C4orf51: variants seen among roughly 807,000 people sequenced by gnomAD.
C4orf51 encodes the protein uncharacterized protein C4orf51.
In C4orf51, 25 loss-of-function variants were observed where a neutral mutation model predicts 25.2. That is an observed-to-expected ratio of 0.99 (90% CI 0.72 to 1.39). The LOEUF is 1.39. Ranked by LOEUF, C4orf51 falls within the 40% of genes most tolerant of loss-of-function variation. The probability of loss-of-function intolerance (pLI) is 0.00; values close to 1 mark genes in which losing one functional copy is unlikely to be tolerated. For missense variants in C4orf51, 252 were observed against 239.6 expected (o/e 1.05, Z -0.34); for synonymous variants, 100 against 84.5 (o/e 1.18, Z -1.01).
At chr4:145,712,385 T>TTA (rs1197903768) in intron 2 of C4orf51, among the ~76,000 whole-genome samples, 3 of 152,178 alleles carry the variant, frequency 2.0e-5, no homozygotes, top group Non-Finnish European at 4.4e-5. Context: ...TTGAAGGAAA[T>TTA]TAAAGGTGCT....
intron 2 of C4orf51, among the ~76,000 whole-genome samples, chr4:145,714,326 C>T (rs188553184): frequency 6.0e-4 from 92 of 152,264 alleles, no homozygotes; most frequent in African/African-American, 2.1e-3. Flanking sequence ...AAATATCCAT[C>T]ATCTCACATA....
intron 2 of C4orf51, among the ~76,000 whole-genome samples, chr4:145,717,484 T>C (rs1455138926): frequency 2.0e-5 from 3 of 152,252 alleles, no homozygotes; most frequent in African/African-American, 7.2e-5. Context: ...CTCCTTGTGC[T>C]TCTTTTCCAT....
downstream of C4orf51, chr4:145,757,776 T>C (rs1025204674): frequency 6.6e-6 from 1 of 151,880 alleles, no homozygotes; most frequent in African/African-American, 2.4e-5. Context: ...AAAAGCTTTA[T>C]ACAATACAAA....
At chr4:145,758,246 T>G (rs1262790893), downstream of C4orf51, 1 of 152,230 alleles carries the variant, frequency 6.6e-6, no homozygotes, top group Non-Finnish European at 1.5e-5. Context: ...TAAGCATTAC[T>G]AAGTCATTCA....
intron 2 of C4orf51, among the ~76,000 whole-genome samples, chr4:145,715,070 CTTGTACTTGCTGTCTCCAGGGACACAT>C (rs1384970209): frequency 1.3e-5 from 2 of 152,190 alleles, no homozygotes; most frequent in Non-Finnish European, 2.9e-5. Flanking sequence ...TCTGCAGAGG[CTTGTACTTGCTGTCTCCAGGGACACAT>C]ATGGAGAACA....
chr4:145,725,022 T>G (rs1228641490), intron 2 of C4orf51, among the ~76,000 whole-genome samples: 3 of 150,702 alleles, frequency 2.0e-5, no homozygotes, highest in Non-Finnish European at 4.4e-5. Flanking sequence ...ATAGACTTTG[T>G]GGACTCGGGG....
In C4orf51 at chr4:145,695,358, T is replaced by G. The variant is rs114744779; in HGVS notation, c.234-1201T>G. On this transcript the variant is annotated intron_variant, in intron 1 of 5. Coordinates refer to ENST00000438731, the MANE Select transcript of C4orf51 (RefSeq NM_001080531.3). ...ATCAGTGATAATGAGCTTTTTTTGA[T>G]ATGCTTTTTGGCCACATGTCTTCTT... 4.9e-3 allele frequency among the ~76,000 whole-genome samples: 743 copies of G among 152,340 alleles called. 8 individuals carry two copies. The highest frequency in any genetic ancestry group is 0.017 in the African/African-American group (712 of 41,572).
At chr4:145,731,204 A>AC (rs1345327464) in intron 5 of C4orf51, among the ~76,000 whole-genome samples, 1 of 152,156 alleles carries the variant, frequency 6.6e-6, no homozygotes, top group East Asian at 1.9e-4. Context: ...ACTATTGTTA[A>AC]ATAAATAAAT....
At position 145,707,703 on chromosome 4, in the gene C4orf51, T is replaced by C. The variant is rs540830164; in HGVS notation, c.307+11071T>C. ...GTCCCTTAAGTAATATAAAGGGATG[T>C]GAATTTTTTCTTTTGGAGGGAGGGG... On this transcript the variant is annotated intron_variant, in intron 2 of 5. Coordinates refer to ENST00000438731, the MANE Select transcript of C4orf51 (RefSeq NM_001080531.3). 2.0e-5 allele frequency among the ~76,000 whole-genome samples: 3 copies of C among 152,338 alleles called. 1 individual carries two copies. The South Asian group carries it at 6.2e-4, about 32-fold the overall frequency.
At chr4:145,713,330 T>A (rs1209770964) in intron 2 of C4orf51, among the ~76,000 whole-genome samples, 1 of 152,204 alleles carries the variant, frequency 6.6e-6, no homozygotes, top group Non-Finnish European at 1.5e-5. Flanking sequence ...ATGGAAAGGA[T>A]TTTCCAGTCT....
At chr4:145,681,750 A>C (rs1180356034) in intron 1 of C4orf51, among the ~76,000 whole-genome samples, 1 of 152,192 alleles carries the variant, frequency 6.6e-6, no homozygotes, top group African/African-American at 2.4e-5. Context: ...GAGATACCAG[A>C]AACTGAACTT....
intron 2 of C4orf51, among the ~76,000 whole-genome samples, chr4:145,702,976 C>T (rs1730556646): frequency 6.6e-6 from 1 of 151,610 alleles, no homozygotes; most frequent in Non-Finnish European, 1.5e-5. Context: ...CTCTCCATAC[C>T]ACCCCCCCAA....
At chr4:145,696,766 C>T in intron 2 of C4orf51, 134 bp downstream of exon 2, 2 of 660,982 alleles carry the variant, frequency 3.0e-6, no homozygotes, top group Non-Finnish European at 2.6e-6. Context: ...GGCACTGTGG[C>T]TCACACCTGT....
At chr4:145,697,154 C>T (rs1254937446) in intron 2 of C4orf51, among the ~76,000 whole-genome samples, 4 of 149,628 alleles carry the variant, frequency 2.7e-5, no homozygotes, top group Non-Finnish European at 5.9e-5. Context: ...GGCTGGAGTG[C>T]AGTGGTGCGA....
At chr4:145,686,791 T>G (rs945614183) in intron 1 of C4orf51, among the ~76,000 whole-genome samples, 1 of 152,220 alleles carries the variant, frequency 6.6e-6, no homozygotes. Context: ...AGTTCTCAAG[T>G]CACTCTCCTT....
At chr4:145,739,955 A>C (rs1348914410) in intron 1 of C4orf51, among the ~76,000 whole-genome samples, 1 of 152,162 alleles carries the variant, frequency 6.6e-6, no homozygotes, top group Non-Finnish European at 1.5e-5. Flanking sequence ...GATCTGGGAA[A>C]GGCTCAACGT....
intron 1 of C4orf51, among the ~76,000 whole-genome samples, chr4:145,749,792 C>T (rs1733570730): frequency 6.6e-6 from 1 of 152,086 alleles, no homozygotes; most frequent in African/African-American, 2.4e-5. Flanking sequence ...CACCACCACA[C>T]CCAGCTAATT....
At chr4:145,734,786 G>C (rs1415990157), downstream of C4orf51, among the ~76,000 whole-genome samples, 1 of 152,232 alleles carries the variant, frequency 6.6e-6, no homozygotes, top group Admixed American at 6.5e-5. Context: ...GTGCCACGGA[G>C]CACAGACCAT....
chr4:145,773,297 A>C (rs375496688), downstream of C4orf51, among the ~76,000 whole-genome samples: 1 of 152,206 alleles, frequency 6.6e-6, no homozygotes, highest in Non-Finnish European at 1.5e-5. Context: ...CTCACTTGGC[A>C]TAACGGCTCT....
Sources: gnomAD v4.1 joint callset for allele counts (sites outside exome capture counted in the v4.1 genomes callset) on GRCh38, gnomAD v4.1.1 for gene constraint, MANE v1.5 for transcripts, NCBI Gene and HGNC (gene_info 2026-07-23, HGNC 2026-07-21) for gene names.